Variants in ZNF766 observed in about 807,000 individuals in gnomAD.
The protein encoded by ZNF766 is zinc finger protein 766.
In ZNF766, 13 loss-of-function variants were observed where a neutral mutation model predicts 13.2. The observed-to-expected ratio is 0.98, with a 90% CI of 0.64 to 1.56. The LOEUF (loss-of-function observed/expected upper bound fraction) is 1.56, where lower values mean the gene tolerates loss of function less well. Among genes scored for constraint, ZNF766 ranks in the 40% most tolerant of loss-of-function variants. ZNF766 has a pLI of 0.00. For missense variants in ZNF766, 521 were observed against 552.2 expected (o/e 0.94, Z 0.57); for synonymous variants, 178 against 187.6 (o/e 0.95, Z 0.42).
chr19:52,278,140 T>A (rs1295257572), intron 1 of ZNF766, among the ~76,000 whole-genome samples: 1 of 151,800 alleles, frequency 6.6e-6, no homozygotes, highest in Non-Finnish European at 1.5e-5. Flanking sequence ...GCCCGGCAAT[T>A]TTTTGAATTT....
chr19:52,286,197 A>AG (rs1568621177), intron 3 of ZNF766, among the ~76,000 whole-genome samples: 3 of 148,370 alleles, frequency 2.0e-5, no homozygotes, highest in Non-Finnish European at 2.9e-5. Context: ...TTCCCCCCTA[A>AG]TTATAAAGGA....
chr19:52,276,236 A>G (rs1387571730), intron 1 of ZNF766, among the ~76,000 whole-genome samples: 3 of 152,324 alleles, frequency 2.0e-5, no homozygotes, highest in Admixed American at 1.3e-4. Flanking sequence ...CATGTAACCT[A>G]TGCACATCCT....
intron 1 of ZNF766, among the ~76,000 whole-genome samples, chr19:52,271,547 C>T (rs2122457004): frequency 6.6e-6 from 1 of 152,298 alleles, no homozygotes; most frequent in South Asian, 2.1e-4. Context: ...GCACCAGGTG[C>T]CAGCCCTACT....
At chr19:52,276,255 T>A (rs977282783) in intron 1 of ZNF766, among the ~76,000 whole-genome samples, 2 of 152,226 alleles carry the variant, frequency 1.3e-5, no homozygotes, top group African/African-American at 2.4e-5. Context: ...CTCTGCACCC[T>A]CCCATATACT....
rs1044256909 is a variant in ZNF766, at chr19:52,294,431, A to T, written c.*3233A>T. ...AATGATGATGCCATTCACTAATGTGATCTCAAAATGTTTACTCCATAATGA... is the reference window on the plus strand; with the variant it reads ...AATGATGATGCCATTCACTAATGTGTTCTCAAAATGTTTACTCCATAATGA... On this transcript the variant is annotated 3_prime_UTR_variant, in exon 4 of 4. Transcript: ENST00000439461. The T allele has an allele frequency of 6.6e-6, 1 of 152,186 alleles. No homozygotes were observed. The highest frequency in any genetic ancestry group is 1.5e-5 in the Non-Finnish European group (1 of 68,030). 9.4% of individuals were successfully genotyped at this position (152,186 alleles called of 1,614,324 possible).
In ZNF766 at chr19:52,282,071, C is replaced by T. The variant is rs114037214; in HGVS notation, c.19-40C>T. ...CTCATTTCGTGTGAACATAATTACT[C>T]TCTCCTTACCCTGTTGGTCAAATAC... On this transcript the variant is annotated intron_variant, in intron 1 of 3. Coordinates refer to ENST00000439461, the MANE Select transcript of ZNF766 (RefSeq NM_001010851.3). 3.1e-3 allele frequency: 4,951 copies of T among 1,578,294 alleles called. 151 individuals are homozygous for T. In the African/African-American group the frequency reaches 0.059, roughly 19 times the overall value.
At position 52,294,766 on chromosome 19, in the gene ZNF766, G is replaced by C. The variant is rs1982279183; in HGVS notation, c.*3568G>C. 1 of 151,528 alleles carries C rather than the reference G, an allele frequency of 6.6e-6. No individual in the cohort carries two copies. Among genetic ancestry groups the C allele is most frequent in the Admixed American group, 6.6e-5 (1 of 15,202 alleles). The allele number at this position is 151,528 out of a possible 1,614,324, so 9.4% of individuals were successfully genotyped here. ...TGGAAGCTCCTGCCATCTTGGTTAG[G>C]AAAGACTCTGATTTTCTTCATGATA... On this transcript the variant is annotated 3_prime_UTR_variant, in exon 4 of 4. Coordinates refer to ENST00000439461, the MANE Select transcript of ZNF766 (RefSeq NM_001010851.3).
chr19:52,291,209 C>T lies in ZNF766; in HGVS notation c.*11C>T. The T allele has an allele frequency of 6.5e-7, 1 of 1,547,230 alleles. No individual in the cohort carries two copies. The highest frequency in any genetic ancestry group is 8.7e-7 in the Non-Finnish European group (1 of 1,149,878). ...GTCCTTACAAACTGAGTTTGGCAAA[C>T]TCTATCATAAGTTCTAGCAGTAATC... On this transcript the variant is annotated 3_prime_UTR_variant, in exon 4 of 4. Transcript: ENST00000439461.
intron 1 of ZNF766, among the ~76,000 whole-genome samples, chr19:52,279,064 A>C (rs1240855908): frequency 6.6e-6 from 1 of 152,128 alleles, no homozygotes; most frequent in Admixed American, 6.6e-5. Context: ...TGGTATAAGG[A>C]AGGGGTCCAG....
chr19:52,276,083 T>C (rs1016385211), intron 1 of ZNF766, among the ~76,000 whole-genome samples: 1 of 152,260 alleles, frequency 6.6e-6, no homozygotes, highest in Non-Finnish European at 1.5e-5. Flanking sequence ...TACAGGTTTT[T>C]AGCAGTAGGC....
Sources: gnomAD v4.1 joint callset for allele counts (sites outside exome capture counted in the v4.1 genomes callset) on GRCh38, gnomAD v4.1.1 for gene constraint, MANE v1.5 for transcripts, NCBI Gene and HGNC (gene_info 2026-07-23, HGNC 2026-07-21) for gene names.